Variants in GABPB1 observed in about 807,000 individuals in gnomAD.
GABPB1 encodes GA-binding protein subunit beta-1.
Under a neutral mutation model 45.9 loss-of-function variants are expected in GABPB1, and 15 were observed. The ratio of observed to expected loss-of-function variants is 0.33; its 90% CI spans 0.22 to 0.50. The LOEUF (loss-of-function observed/expected upper bound fraction) is 0.50, where lower values mean the gene tolerates loss of function less well. Among genes scored for constraint, GABPB1 ranks in the 20% least tolerant of loss-of-function variants. The pLI, the probability that GABPB1 is intolerant of heterozygous loss-of-function variation, is 0.98. For synonymous variants in GABPB1, 143 were observed against 154.4 expected, an observed-to-expected ratio of 0.93 and a Z score of 0.55; for missense variants, 252 against 457.5, an observed-to-expected ratio of 0.55 and a Z score of 4.10.
At chr15:50,320,474 C>CG (rs2047524981) in intron 1 of GABPB1, among the ~76,000 whole-genome samples, 1 of 152,164 alleles carries the variant, frequency 6.6e-6, no homozygotes, top group Non-Finnish European at 1.5e-5. Context: ...AGGCAATCCT[C>CG]TTGTTTTTTC....
chr15:50,289,653 T>A lies in GABPB1; in HGVS notation c.713A>T (p.Glu238Val). 6.2e-7 allele frequency: 1 copy of A among 1,609,388 alleles called. No individual in the cohort carries two copies. Among genetic ancestry groups the A allele is most frequent in the Non-Finnish European group, 8.5e-7 (1 of 1,178,324 alleles). Residue 238 changes from glutamate (E) to valine (V), a missense_variant, in exon 7 of 9, where the codon GAA becomes GTA. By Grantham distance (121) the Glu-to-Val change is moderately radical (BLOSUM62 -2). Around this residue, in one of 4 missense-constraint regions of GABPB1, gnomAD observed 193 missense variants for 259.9 expected, o/e 0.74. Coordinates refer to ENST00000380877, the MANE Select transcript of GABPB1 (RefSeq NM_016654.5). Reference protein sequence around the residue: ...SSETPVVATEEVVTAESVDGA... With the variant: ...SSETPVVATEVVVTAESVDGA... Reference sequence around the variant, plus strand: ...ATCCACAGATTCTGCAGTAACTACTTCTTCTGTGGCCACTACTGGAAAAAA... The same window carrying A: ...ATCCACAGATTCTGCAGTAACTACTACTTCTGTGGCCACTACTGGAAAAAA...
chr15:50,337,849 A>G (rs2048202707), intron 1 of GABPB1, among the ~76,000 whole-genome samples: 1 of 152,182 alleles, frequency 6.6e-6, no homozygotes, highest in African/African-American at 2.4e-5. Flanking sequence ...TAAATCCAGA[A>G]AAAAACTACT....
chr15:50,282,780 C>A (rs920343394), intron 8 of GABPB1, among the ~76,000 whole-genome samples: 2 of 152,132 alleles, frequency 1.3e-5, no homozygotes, highest in African/African-American at 2.4e-5. Context: ...TACAGCCGTG[C>A]GCAGTGGCTC....
intron 1 of GABPB1, chr15:50,353,063 A>C (rs1161225884): frequency 6.6e-6 from 1 of 152,254 alleles, no homozygotes; most frequent in Admixed American, 6.5e-5. Context: ...ATCTTTAAAG[A>C]TAACATTTAC....
At chr15:50,325,109 T>C (rs757682663) in intron 1 of GABPB1, among the ~76,000 whole-genome samples, 17 of 152,016 alleles carry the variant, frequency 1.1e-4, no homozygotes, top group Non-Finnish European at 1.5e-4. Context: ...GTAAATTTTG[T>C]GATTTAAAAA....
intron 1 of GABPB1, among the ~76,000 whole-genome samples, chr15:50,326,470 C>A (rs2047767669): frequency 6.6e-6 from 1 of 151,742 alleles, no homozygotes; most frequent in African/African-American, 2.4e-5. Flanking sequence ...CCAGCCTGGC[C>A]AACATGGTGA....
chr15:50,296,060 A>C (rs1170011649), intron 6 of GABPB1, among the ~76,000 whole-genome samples: 2 of 152,206 alleles, frequency 1.3e-5, no homozygotes, highest in African/African-American at 2.4e-5. Flanking sequence ...GGTGCTATTT[A>C]AAGCCATAAT....
intron 8 of GABPB1, among the ~76,000 whole-genome samples, chr15:50,285,396 A>G (rs2046119342): frequency 6.6e-6 from 1 of 152,184 alleles, no homozygotes; most frequent in Non-Finnish European, 1.5e-5. Context: ...TGTTCTTTCA[A>G]AGTTATTCAA....
At chr15:50,324,540 CTTTTTTTTTTTT>C (rs575280667) in intron 1 of GABPB1, among the ~76,000 whole-genome samples, 1 of 114,212 alleles carries the variant, frequency 8.8e-6, no homozygotes, top group African/African-American at 3.5e-5. Context: ...GTCTCCGTGG[CTTTTTTTTTTTT>C]TTTTTTTTTT....
intron 1 of GABPB1, among the ~76,000 whole-genome samples, chr15:50,335,757 G>A (rs569513672): frequency 4.0e-5 from 6 of 151,830 alleles, no homozygotes; most frequent in Admixed American, 6.6e-5. Context: ...TTAGCCAGGC[G>A]TGGTGGCATG....
chr15:50,320,288 C>T lies in GABPB1; in HGVS notation c.1-10490G>A, dbSNP rs183712533. ...GTTCAAGCAATTCTTCTGCCTCAGC[C>T]TCCCAAGTAGCTGGGATTACAGGCA... On this transcript the variant is annotated intron_variant, in intron 1 of 8. Transcript: ENST00000380877. 2.6e-5 allele frequency among the ~76,000 whole-genome samples: 4 copies of T among 152,332 alleles called. No individual in the cohort carries two copies. The East Asian group carries it at 7.7e-4, about 29-fold the overall frequency.
intron 1 of GABPB1, among the ~76,000 whole-genome samples, chr15:50,321,105 A>G (rs960308861): frequency 6.6e-6 from 1 of 152,226 alleles, no homozygotes; most frequent in African/African-American, 2.4e-5. Flanking sequence ...TATACTAATT[A>G]TATGATCCTG....
chr15:50,284,548 C>A (rs1327212640), intron 8 of GABPB1, among the ~76,000 whole-genome samples: 1 of 152,110 alleles, frequency 6.6e-6, no homozygotes, highest in Non-Finnish European at 1.5e-5. Flanking sequence ...TCCCTGGTCT[C>A]TCAAAAGACT....
At chr15:50,302,692 C>T (rs1053018449) in intron 4 of GABPB1, among the ~76,000 whole-genome samples, 2 of 107,298 alleles carry the variant, frequency 1.9e-5, no homozygotes, top group Non-Finnish European at 4.1e-5. Context: ...AATTCAGAAA[C>T]TTAAAAAACA....
intron 1 of GABPB1, among the ~76,000 whole-genome samples, chr15:50,315,041 A>G (rs2047268288): frequency 1.3e-5 from 2 of 152,228 alleles, no homozygotes; most frequent in South Asian, 4.1e-4. Flanking sequence ...TACACAATTT[A>G]TTATAAATTG....
At chr15:50,291,934 A>C (rs1168742694) in intron 6 of GABPB1, among the ~76,000 whole-genome samples, 1 of 151,112 alleles carries the variant, frequency 6.6e-6, no homozygotes, top group Admixed American at 6.6e-5. Context: ...AAAAAAAAAA[A>C]ATTCTATCTA....
At chr15:50,351,078 C>T (rs1406072762) in intron 1 of GABPB1, 1 of 152,202 alleles carries the variant, frequency 6.6e-6, no homozygotes, top group Non-Finnish European at 1.5e-5. Context: ...AAGGTCCGTT[C>T]CTACCCTACT....
intron 1 of GABPB1, chr15:50,354,043 A>G (rs925382298): frequency 3.4e-5 from 8 of 235,492 alleles, no homozygotes; most frequent in African/African-American, 1.9e-4. Flanking sequence ...AAACAAGCTT[A>G]AAGTGGGAAG....
chr15:50,316,316 G>A (rs2047325420), intron 1 of GABPB1, among the ~76,000 whole-genome samples: 1 of 152,008 alleles, frequency 6.6e-6, no homozygotes, highest in Admixed American at 6.6e-5. Flanking sequence ...TTGAATTTCC[G>A]TAATTTACAG....
Sources: allele counts gnomAD v4.1 joint callset (sites outside exome capture counted in the v4.1 genomes callset), GRCh38; gene constraint gnomAD v4.1.1; regional missense constraint gnomAD v4.1.1; transcripts MANE v1.5; gene names NCBI Gene and HGNC (gene_info 2026-07-23, HGNC 2026-07-21).